MYO5B: variants seen among roughly 807,000 people sequenced by gnomAD.
MYO5B encodes the protein unconventional myosin-Vb.
A neutral mutation model predicts 229.3 loss-of-function variants in MYO5B; 143 were observed. The ratio of observed to expected loss-of-function variants is 0.62; its 90% CI spans 0.54 to 0.72. The LOEUF (loss-of-function observed/expected upper bound fraction) is 0.72, where lower values mean the gene tolerates loss of function less well. MYO5B is among the 30% of genes least tolerant of loss of function. MYO5B has a pLI of 0.00. For synonymous variants in MYO5B, 918 were observed against 885.2 expected (o/e 1.04, Z -0.66); for missense variants, 2,321 against 2,331.0 (o/e 1.00, Z 0.09).
chr18:49,858,515 A>G (rs2024289609), intron 29 of MYO5B, among the ~76,000 whole-genome samples: 1 of 152,142 alleles, frequency 6.6e-6, no homozygotes, highest in Non-Finnish European at 1.5e-5. Context: ...TCCAGCCTCC[A>G]GCCCCCCACC....
intron 23 of MYO5B, chr18:49,879,519 A>G (rs906128931): frequency 3.3e-5 from 8 of 244,372 alleles, no homozygotes; most frequent in Admixed American, 3.1e-4. Context: ...AGGCAAATAG[A>G]GAAGGATGGG....
intron 1 of MYO5B, among the ~76,000 whole-genome samples, chr18:50,092,475 A>G (rs1382535989): frequency 6.6e-6 from 1 of 152,192 alleles, no homozygotes; most frequent in African/African-American, 2.4e-5. Flanking sequence ...TCACTAAAGC[A>G]GGGTGTGTCT....
At chr18:49,901,798 C>T (rs1421510339) in intron 21 of MYO5B, among the ~76,000 whole-genome samples, 1 of 152,228 alleles carries the variant, frequency 6.6e-6, no homozygotes, top group African/African-American at 2.4e-5. Flanking sequence ...GTTCAAACCT[C>T]GGCCCTGCCA....
At position 50,184,073 on chromosome 18, in the gene MYO5B, G is replaced by A. The variant is rs142124198; in HGVS notation, c.27+10694C>T. 6.1e-3 allele frequency among the ~76,000 whole-genome samples: 930 copies of A among 152,176 alleles called. 5 individuals are homozygous for A. Among genetic ancestry groups the A allele is most frequent in the Middle Eastern group, 0.02 (6 of 294 alleles). On this transcript the variant is annotated intron_variant, in intron 1 of 39. Coordinates refer to ENST00000285039, the MANE Select transcript of MYO5B (RefSeq NM_001080467.3). The stretch of plus-strand genomic sequence containing the variant: ...TTTTTAAAATAAATTACCTAGTCTC[G>A]GGTATTCTGTTGCAGCAACACAAAA...
chr18:49,963,113 G>A lies in MYO5B; in HGVS notation c.1323-83C>T. Reference sequence around the variant, plus strand: ...ACTTCAACAAAGCTGCTCTGACCCAGGTCTCCCCCGATGCCACTACAGAAT... The same window carrying A: ...ACTTCAACAAAGCTGCTCTGACCCAAGTCTCCCCCGATGCCACTACAGAAT... On this transcript the variant is annotated intron_variant, in intron 10 of 39. Transcript: ENST00000285039. 9 of 1,077,236 alleles carry A rather than the reference G, an allele frequency of 8.4e-6. No individual in the cohort carries two copies. In the South Asian group the frequency reaches 1.0e-4, roughly 12 times the overall value. The allele number at this position is 1,077,236 out of a possible 1,614,324, so 66.7% of individuals were successfully genotyped here. A position where few individuals can be genotyped will look rare whatever the true frequency, so the allele number is the denominator to read the frequency against.
intron 17 of MYO5B, among the ~76,000 whole-genome samples, chr18:49,922,580 T>C (rs2025086313): frequency 6.6e-6 from 1 of 152,062 alleles, no homozygotes; most frequent in African/African-American, 2.4e-5. Context: ...AGTTAACATT[T>C]CAAATAGCAG....
At chr18:50,020,620 G>T (rs1216295006) in intron 4 of MYO5B, among the ~76,000 whole-genome samples, 1 of 152,188 alleles carries the variant, frequency 6.6e-6, no homozygotes, top group Non-Finnish European at 1.5e-5. Context: ...GAGGGGGATG[G>T]ACCCAGGAGT....
chr18:50,121,824 A>C (rs1471658398), intron 1 of MYO5B, among the ~76,000 whole-genome samples: 2 of 152,258 alleles, frequency 1.3e-5, no homozygotes, highest in Non-Finnish European at 2.9e-5. Context: ...GTCCTGACTC[A>C]TGGATCTACT....
intron 1 of MYO5B, among the ~76,000 whole-genome samples, chr18:50,099,991 A>G (rs116925423): frequency 6.6e-6 from 1 of 152,188 alleles, no homozygotes; most frequent in Non-Finnish European, 1.5e-5. Context: ...AGTGTCCTAA[A>G]GCAACCTTCA....
rs71169476 is a variant in MYO5B at position 50,077,168 on chromosome 18, T to TAAAAAAAAAAAAA, written c.28-21803_28-21791dup. Among the ~76,000 whole-genome samples, 51 of 81,212 alleles carry TAAAAAAAAAAAAA rather than the reference T, an allele frequency of 6.3e-4. 1 individual carries two copies. Among genetic ancestry groups the TAAAAAAAAAAAAA allele is most frequent in the African/African-American group, 1.8e-3 (40 of 22,244 alleles). The allele number at this position is 81,212 out of a possible 152,430, so 53.3% of individuals were successfully genotyped here. Reference sequence around the variant, plus strand: ...TTAGGGTTAATTTATTGTGGCAAAGTAAAAAAAAAAAAAAAAAAAAAAAAA... The same window carrying TAAAAAAAAAAAAA: ...TTAGGGTTAATTTATTGTGGCAAAGTAAAAAAAAAAAAAAAAAAAAAAAAAAAAAAAAAAAAAA... On this transcript the variant is annotated intron_variant, in intron 1 of 39. Coordinates refer to ENST00000285039, the MANE Select transcript of MYO5B (RefSeq NM_001080467.3).
Position 49,895,036 on chromosome 18 carries a change from C to T in MYO5B, c.2950G>A (p.Glu984Lys). 1 of 1,614,104 alleles carries T rather than the reference C, an allele frequency of 6.2e-7. No individual in the cohort carries two copies. The highest frequency in any genetic ancestry group is 8.5e-7 in the Non-Finnish European group (1 of 1,180,020). The change falls in exon 22 of 40, where the codon GAG becomes AAG. Residue 984 changes from glutamate to lysine, a missense_variant. Physicochemically the swap from Glu to Lys is moderately conservative, Grantham distance 56 (BLOSUM62 1). This residue lies in a region of MYO5B where 2,113 missense variants were observed against 2,044.7 expected (regional missense o/e 1.03). Transcript: ENST00000285039. ...GEDTSLRLQEEVESLRTELQR... is the reference protein window; with the variant it reads ...GEDTSLRLQEKVESLRTELQR... Reference sequence around the variant, plus strand: ...AGCTCTGTGCGCAGGCTCTCCACCTCCTCCTGCAGCCTGAGGCTGGTGTCC... The same window carrying T: ...AGCTCTGTGCGCAGGCTCTCCACCTTCTCCTGCAGCCTGAGGCTGGTGTCC...
intron 1 of MYO5B, among the ~76,000 whole-genome samples, chr18:50,129,761 C>A (rs939561148): frequency 6.6e-6 from 1 of 152,104 alleles, no homozygotes; most frequent in African/African-American, 2.4e-5. Flanking sequence ...TTCAAGAGTG[C>A]CAAAGTTCAA....
intron 1 of MYO5B, among the ~76,000 whole-genome samples, chr18:50,090,830 C>G (rs1451468820): frequency 1.3e-5 from 2 of 152,178 alleles, no homozygotes; most frequent in Non-Finnish European, 2.9e-5. Context: ...ACAGCATCCC[C>G]CATCCTCCTA....
At chr18:49,905,295 C>T (rs1294729137) in intron 19 of MYO5B, among the ~76,000 whole-genome samples, 4 of 152,152 alleles carry the variant, frequency 2.6e-5, no homozygotes, top group Non-Finnish European at 5.9e-5. Context: ...ATGACTAAAC[C>T]TTCTCAGGCC....
At chr18:50,154,170 C>T (rs768707875) in intron 1 of MYO5B, among the ~76,000 whole-genome samples, 9 of 152,146 alleles carry the variant, frequency 5.9e-5, no homozygotes, top group Non-Finnish European at 1.3e-4. Flanking sequence ...ATAGCAGTGG[C>T]TACCTCTGAG....
chr18:50,188,252 T>G (rs1232397189), intron 1 of MYO5B, among the ~76,000 whole-genome samples: 1 of 152,198 alleles, frequency 6.6e-6, no homozygotes, highest in Non-Finnish European at 1.5e-5. Flanking sequence ...AGCCTCCTCA[T>G]GCATTTCAAA....
chr18:49,924,154 G>A (rs916943390), intron 17 of MYO5B, among the ~76,000 whole-genome samples: 4 of 152,134 alleles, frequency 2.6e-5, no homozygotes, highest in Non-Finnish European at 4.4e-5. Flanking sequence ...TTTTCAGGTG[G>A]CCGCACATGT....
intron 1 of MYO5B, among the ~76,000 whole-genome samples, chr18:50,056,506 A>G (rs372837983): frequency 1.3e-5 from 2 of 152,212 alleles, no homozygotes; most frequent in East Asian, 3.8e-4. Flanking sequence ...AGAAGCCGTC[A>G]GTACACACAC....
At chr18:49,852,937 A>G (rs964639187) in intron 31 of MYO5B, among the ~76,000 whole-genome samples, 9 of 152,296 alleles carry the variant, frequency 5.9e-5, no homozygotes, top group Non-Finnish European at 1.0e-4. Context: ...GCAAGCTCTC[A>G]TAAGACAGGG....
Sources: allele counts gnomAD v4.1 joint callset (sites outside exome capture counted in the v4.1 genomes callset), GRCh38; gene constraint gnomAD v4.1.1; regional missense constraint gnomAD v4.1.1; transcripts MANE v1.5; gene names NCBI Gene and HGNC (gene_info 2026-07-23, HGNC 2026-07-21).